Variants in RBFOX2 observed in about 807,000 individuals in gnomAD.
RBFOX2 encodes RNA binding fox-1 homolog 2.
In RBFOX2, 10 loss-of-function variants were observed where a neutral mutation model predicts 49.1. That is an observed-to-expected ratio of 0.20 (90% CI 0.13 to 0.35). The LOEUF (loss-of-function observed/expected upper bound fraction) is 0.35, where lower values mean the gene tolerates loss of function less well. Among genes scored for constraint, RBFOX2 ranks in the 10% least tolerant of loss-of-function variants. The probability of loss-of-function intolerance (pLI) is 1.00; values close to 1 mark genes in which losing one functional copy is unlikely to be tolerated. For missense variants in RBFOX2, 323 were observed against 486.9 expected (o/e 0.66, Z 3.17); for synonymous variants, 183 against 187.4 (o/e 0.98, Z 0.19).
chr22:35,840,044 C>G lies in RBFOX2; in HGVS notation c.27+148G>C. 3 of 1,111,410 alleles carry G rather than the reference C, an allele frequency of 2.7e-6. 1 individual carries two copies. The South Asian group carries it at 4.1e-5, about 15-fold the overall frequency. The allele number at this position is 1,111,410 out of a possible 1,614,324, so 68.8% of individuals were successfully genotyped here. A position where few individuals can be genotyped will look rare whatever the true frequency, so the allele number is the denominator to read the frequency against. ...CACACACATAAACGGACTCAACAGA[C>G]ACAGACTTTTCAGCTGATAACAATA... On this transcript the variant is annotated intron_variant, in intron 1 of 11. Transcript: ENST00000405409.
chr22:35,901,933 T>C (rs1342958493), intron 1 of RBFOX2, among the ~76,000 whole-genome samples: 1 of 151,636 alleles, frequency 6.6e-6, no homozygotes, highest in Non-Finnish European at 1.5e-5. Context: ...AATACAAAAA[T>C]TAGCCAGGTG....
At chr22:35,980,913 A>C (rs2057425472) in intron 1 of RBFOX2, among the ~76,000 whole-genome samples, 1 of 152,188 alleles carries the variant, frequency 6.6e-6, no homozygotes. Flanking sequence ...TTGCACGCTT[A>C]TGTATTTATG....
chr22:35,840,361 TTTTC>T (rs972283422), exon 1 of RBFOX2: 12 of 1,548,488 alleles, frequency 7.7e-6, no homozygotes, highest in South Asian at 2.5e-5. Flanking sequence ...TTTCCTTCCT[TTTTC>T]TTTCTAATGT....
chr22:35,842,569 G>A (rs2040643958), upstream of RBFOX2, among the ~76,000 whole-genome samples: 1 of 152,160 alleles, frequency 6.6e-6, no homozygotes, highest in South Asian at 2.1e-4. Context: ...TGGGATAACT[G>A]TGTTTTCAGT....
chr22:35,826,950 C>T (rs888286815), intron 1 of RBFOX2, among the ~76,000 whole-genome samples: 1 of 152,106 alleles, frequency 6.6e-6, no homozygotes, highest in Non-Finnish European at 1.5e-5. Context: ...TAATTGAAAC[C>T]ATGAAAAGGG....
chr22:35,784,401 C>T (rs1330354403), intron 2 of RBFOX2, among the ~76,000 whole-genome samples: 2 of 152,216 alleles, frequency 1.3e-5, no homozygotes, highest in Non-Finnish European at 2.9e-5. Flanking sequence ...GACTGGGTGC[C>T]TGCAGGCAAA....
chr22:35,839,557 T>G (rs1381469348), intron 1 of RBFOX2, among the ~76,000 whole-genome samples: 1 of 152,214 alleles, frequency 6.6e-6, no homozygotes, highest in Non-Finnish European at 1.5e-5. Context: ...AAAGCCTGTG[T>G]GATTGTGATT....
chr22:35,781,767 T>G, intron 2 of RBFOX2, 21 bp from the exon 4 acceptor site: 1 of 1,613,402 alleles, frequency 6.2e-7, no homozygotes, highest in Non-Finnish European at 8.5e-7. Flanking sequence ...AAATAAAGAA[T>G]GAAAAATATA....
intron 4 of RBFOX2, among the ~76,000 whole-genome samples, chr22:35,770,206 T>C (rs998536988): frequency 6.6e-6 from 1 of 152,152 alleles, no homozygotes; most frequent in African/African-American, 2.4e-5. Context: ...AGTCCTCCAA[T>C]AGGAAAGTCA....
chr22:35,909,212 G>A (rs2049483683), intron 1 of RBFOX2, among the ~76,000 whole-genome samples: 1 of 152,138 alleles, frequency 6.6e-6, no homozygotes, highest in African/African-American at 2.4e-5. Context: ...TGTTGCAGCT[G>A]CTCAAGAGGC....
intron 9 of RBFOX2, 137 bp from the exon 11 acceptor site, chr22:35,756,281 C>T: frequency 1.6e-6 from 1 of 623,320 alleles, no homozygotes. Context: ...GGCTTGGGGC[C>T]TCGGCAAGTT....
intron 1 of RBFOX2, among the ~76,000 whole-genome samples, chr22:35,938,240 A>G (rs1371516505): frequency 6.6e-6 from 1 of 152,164 alleles, no homozygotes; most frequent in Non-Finnish European, 1.5e-5. Context: ...TCAAACAACA[A>G]AAAGATAGGG....
At chr22:35,831,497 T>C (rs1956798752) in intron 1 of RBFOX2, among the ~76,000 whole-genome samples, 1 of 152,182 alleles carries the variant, frequency 6.6e-6, no homozygotes, top group Non-Finnish European at 1.5e-5. Flanking sequence ...CACATACATA[T>C]TACATGGAAC....
chr22:35,740,416 T>C (rs903040278), exon 12 of RBFOX2: 10 of 152,538 alleles, frequency 6.6e-5, no homozygotes, highest in African/African-American at 2.4e-4. Flanking sequence ...CATGACAAAA[T>C]AAAAACACAC....
At chr22:36,002,610 C>T (rs547748022) in intron 1 of RBFOX2, among the ~76,000 whole-genome samples, 2 of 152,204 alleles carry the variant, frequency 1.3e-5, no homozygotes, top group Non-Finnish European at 2.9e-5. Context: ...CACCAATACT[C>T]CAGAAAGAAC....
At chr22:35,924,455 T>C (rs2051388857) in intron 1 of RBFOX2, among the ~76,000 whole-genome samples, 3 of 152,218 alleles carry the variant, frequency 2.0e-5, no homozygotes, top group African/African-American at 7.2e-5. Context: ...GAGCCTTCTA[T>C]GGCTCCATAA....
At chr22:35,848,394 A>T (rs544335922) in intron 1 of RBFOX2, among the ~76,000 whole-genome samples, 1 of 152,362 alleles carries the variant, frequency 6.6e-6, no homozygotes, top group East Asian at 1.9e-4. Flanking sequence ...AGAAACAGTT[A>T]TATCATTAAT....
intron 1 of RBFOX2, among the ~76,000 whole-genome samples, chr22:35,853,906 A>G (rs2042227285): frequency 1.3e-5 from 2 of 152,034 alleles, no homozygotes; most frequent in African/African-American, 4.8e-5. Context: ...TAATATTCCC[A>G]TGGTCTCTGA....
chr22:36,028,451 G>C, exon 1 of RBFOX2: 3 of 1,178,456 alleles, frequency 2.5e-6, no homozygotes, highest in Non-Finnish European at 3.1e-6. Flanking sequence ...TCGCCTCCGG[G>C]AGCCGGGCGA....
Sources: allele counts gnomAD v4.1 joint callset (sites outside exome capture counted in the v4.1 genomes callset), GRCh38; gene constraint gnomAD v4.1.1; transcripts MANE v1.5; gene names NCBI Gene and HGNC (gene_info 2026-07-23, HGNC 2026-07-21).